P2RY8: variants seen among roughly 807,000 people sequenced by gnomAD.
P2RY8 encodes P2Y receptor family member 8.
In P2RY8, 6 loss-of-function variants were observed where a neutral mutation model predicts 10.0. The observed-to-expected ratio is 0.60, with a 90% confidence interval of 0.33 to 1.19. The LOEUF (loss-of-function observed/expected upper bound fraction) is 1.19, where lower values mean the gene tolerates loss of function less well. P2RY8 is among the 50% of genes most tolerant of loss of function. The pLI, the probability that P2RY8 is intolerant of heterozygous loss-of-function variation, is 0.04. For synonymous variants in P2RY8, 276 were observed against 252.5 expected (o/e 1.09, Z -0.88); for missense variants, 456 against 542.0 (o/e 0.84, Z 1.58).
intron 1 of P2RY8, among the ~76,000 whole-genome samples, chrX:1,506,557 G>T (rs113562996): frequency 6.6e-6 from 1 of 152,086 alleles, no homozygotes; most frequent in Admixed American, 6.6e-5. Flanking sequence ...AGAGAGAGGT[G>T]TTTGGATGTA....
At chrX:1,502,110 T>G (rs2092186820) in intron 1 of P2RY8, among the ~76,000 whole-genome samples, 1 of 151,626 alleles carries the variant, frequency 6.6e-6, no homozygotes, top group African/African-American at 2.4e-5. Flanking sequence ...AGGGTTTTAC[T>G]GTGGTGGCCA....
intron 1 of P2RY8, among the ~76,000 whole-genome samples, chrX:1,475,180 T>C (rs2091861660): frequency 6.7e-6 from 1 of 148,286 alleles, no homozygotes; most frequent in Admixed American, 6.7e-5. Context: ...AATGGATGGG[T>C]TGATGGGTAG....
At chrX:1,533,658 T>G (rs1317451113) in intron 1 of P2RY8, among the ~76,000 whole-genome samples, 1 of 127,496 alleles carries the variant, frequency 7.8e-6, no homozygotes, top group African/African-American at 3.1e-5. Flanking sequence ...TTTACATATT[T>G]ATTATTTAAA....
intron 1 of P2RY8, among the ~76,000 whole-genome samples, chrX:1,500,145 A>G (rs1356187273): frequency 6.6e-6 from 1 of 151,430 alleles, no homozygotes; most frequent in Non-Finnish European, 1.5e-5. Flanking sequence ...GGCGTGAGCC[A>G]CCGCGCCCGG....
chrX:1,518,505 T>C (rs1385213699), intron 1 of P2RY8, among the ~76,000 whole-genome samples: 2 of 150,980 alleles, frequency 1.3e-5, no homozygotes, highest in African/African-American at 4.8e-5. Flanking sequence ...CTCTCTGGTC[T>C]GTAATATTCT....
chrX:1,465,175 C>T lies in P2RY8; in HGVS notation c.*304G>A, dbSNP rs1243946090. ...AAAAAAAATACAAAAATTAGCCGGG[C>T]GTGGTGACACAAGCTGTCCCCTGAC... On this transcript the variant is annotated 3_prime_UTR_variant, in exon 2 of 2. Transcript: ENST00000381297. 10 of 467,672 alleles carry T rather than the reference C, an allele frequency of 2.1e-5. No homozygotes were observed. Among genetic ancestry groups the T allele is most frequent in the Middle Eastern group, 5.5e-4 (1 of 1,806 alleles). The allele number at this position is 467,672 out of a possible 1,614,324, so 29.0% of individuals were successfully genotyped here.
chrX:1,518,148 G>A (rs1487614463), intron 1 of P2RY8, among the ~76,000 whole-genome samples: 3 of 142,882 alleles, frequency 2.1e-5, no homozygotes, highest in Non-Finnish European at 4.6e-5. Context: ...AATCTTGGCC[G>A]GGCGCGGTGG....
chrX:1,475,119 G>C (rs2091860973), intron 1 of P2RY8, among the ~76,000 whole-genome samples: 1 of 136,038 alleles, frequency 7.4e-6, no homozygotes, highest in South Asian at 2.8e-4. Context: ...GGGTGGGTGG[G>C]TGGGTGGATG....
intron 1 of P2RY8, among the ~76,000 whole-genome samples, chrX:1,530,805 T>C (rs2072709814): frequency 6.6e-6 from 1 of 151,682 alleles, no homozygotes; most frequent in African/African-American, 2.4e-5. Context: ...CTATCTCTAT[T>C]ATCTATATAT....
chrX:1,498,640 C>T (rs1413082546), intron 1 of P2RY8, among the ~76,000 whole-genome samples: 1 of 150,944 alleles, frequency 6.6e-6, no homozygotes, highest in Non-Finnish European at 1.5e-5. Context: ...GCCTCAGCCT[C>T]CTGAGTAGCT....
At chrX:1,524,848 TCCACTCATCCATTCAA>T (rs2092428967) in intron 1 of P2RY8, among the ~76,000 whole-genome samples, 8 of 93,838 alleles carry the variant, frequency 8.5e-5, no homozygotes, top group East Asian at 3.4e-4. Flanking sequence ...CATCCATCCA[TCCACTCATCCATTCAA>T]CCATCCACTC....
At chrX:1,483,690 T>C (rs1394761626) in intron 1 of P2RY8, among the ~76,000 whole-genome samples, 1 of 151,812 alleles carries the variant, frequency 6.6e-6, no homozygotes, top group African/African-American at 2.4e-5. Flanking sequence ...AACCCAAAGC[T>C]ACCCTCCCTT....
chrX:1,493,480 G>A (rs2092086920), intron 1 of P2RY8, among the ~76,000 whole-genome samples: 2 of 150,090 alleles, frequency 1.3e-5, no homozygotes, highest in Admixed American at 6.7e-5. Context: ...GGGAGGGAAG[G>A]AAGGAAAGAT....
intron 1 of P2RY8, among the ~76,000 whole-genome samples, chrX:1,496,602 C>T (rs2092118777): frequency 6.6e-6 from 1 of 152,054 alleles, no homozygotes; most frequent in Non-Finnish European, 1.5e-5. Context: ...CCCCTTAAAA[C>T]ATTCAGTCAG....
intron 1 of P2RY8, among the ~76,000 whole-genome samples, chrX:1,522,976 G>A (rs2092403495): frequency 6.6e-6 from 1 of 151,368 alleles, no homozygotes; most frequent in African/African-American, 2.4e-5. Context: ...GGCTGAGGCA[G>A]GAGAGTCACT....
intron 1 of P2RY8, among the ~76,000 whole-genome samples, chrX:1,476,796 C>A (rs139954980): frequency 6.6e-6 from 1 of 151,986 alleles, no homozygotes; most frequent in Admixed American, 6.6e-5. Context: ...AGGGATGGTG[C>A]TCAACACCCT....
chrX:1,524,098 T>C, intron 1 of P2RY8, among the ~76,000 whole-genome samples: 1 of 152,238 alleles, frequency 6.6e-6, no homozygotes, highest in South Asian at 2.1e-4. Flanking sequence ...TGTCTACACG[T>C]CTCCCCGTAA....
chrX:1,495,893 AGAG>A, intron 1 of P2RY8, among the ~76,000 whole-genome samples: 1 of 138,974 alleles, frequency 7.2e-6, no homozygotes, highest in East Asian at 2.3e-4. Context: ...CCTCATAAGA[AGAG>A]GAGATGAGGA....
intron 1 of P2RY8, among the ~76,000 whole-genome samples, chrX:1,532,322 A>ATATATGTATATGATG (rs2092480969): frequency 7.0e-5 from 3 of 42,594 alleles, no homozygotes; most frequent in African/African-American, 1.6e-4. Context: ...ATATACACAC[A>ATATATGTATATGATG]CGTATATATA....
Sources: gnomAD v4.1 joint callset for allele counts (sites outside exome capture counted in the v4.1 genomes callset) on GRCh38, gnomAD v4.1.1 for gene constraint, MANE v1.5 for transcripts, NCBI Gene and HGNC (gene_info 2026-07-23, HGNC 2026-07-21) for gene names.